The following C8orf34 variants were observed in gnomAD, a reference collection of about 807,000 sequenced individuals.
The protein encoded by C8orf34 is chromosome 8 open reading frame 34.
In C8orf34, 65 loss-of-function variants were observed where a neutral mutation model predicts 68.3. The ratio of observed to expected loss-of-function variants is 0.95; its 90% CI spans 0.78 to 1.17. The LOEUF is 1.17. Ranked by LOEUF, C8orf34 falls within the 50% of genes most tolerant of loss-of-function variation. The pLI is 0.00. For missense variants in C8orf34, 664 were observed against 655.4 expected, an observed-to-expected ratio of 1.01 and a Z score of -0.14; for synonymous variants, 244 against 241.2, an observed-to-expected ratio of 1.01 and a Z score of -0.11.
chr8:68,791,129 C>A, intron 12 of C8orf34: 1 of 448,536 alleles, frequency 2.2e-6, no homozygotes, highest in South Asian at 6.0e-5. Context: ...CTATAAAGAA[C>A]TGCCTGAGAC....
At chr8:68,438,776 T>A (rs1810772445) in intron 1 of C8orf34, 2 of 152,026 alleles carry the variant, frequency 1.3e-5, no homozygotes, top group Admixed American at 6.5e-5. Context: ...TGTTCCTGAC[T>A]GGAAAAAAAA....
chr8:68,354,808 G>A (rs1260922007), intron 1 of C8orf34, among the ~76,000 whole-genome samples: 1 of 152,070 alleles, frequency 6.6e-6, no homozygotes, highest in Non-Finnish European at 1.5e-5. Flanking sequence ...TCTTGAGGGT[G>A]GAAAACAGGT....
intron 8 of C8orf34, among the ~76,000 whole-genome samples, chr8:68,648,063 A>G (rs2164197): frequency 0.52 from 78,979 of 152,026 alleles, 21,265 homozygotes; most frequent in Non-Finnish European, 0.61. Context: ...ACTATGTAGG[A>G]TATAGTAGTG....
intron 8 of C8orf34, among the ~76,000 whole-genome samples, chr8:68,667,168 C>A (rs1232715231): frequency 6.6e-6 from 1 of 152,072 alleles, no homozygotes; most frequent in Non-Finnish European, 1.5e-5. Flanking sequence ...AGTTTTGAAA[C>A]AATGAAGTCA....
intron 8 of C8orf34, among the ~76,000 whole-genome samples, chr8:68,661,063 G>T (rs950651260): frequency 6.6e-6 from 1 of 152,206 alleles, no homozygotes; most frequent in African/African-American, 2.4e-5. Context: ...GGCATGTGGT[G>T]CGAGGAGACA....
intron 1 of C8orf34, among the ~76,000 whole-genome samples, chr8:68,354,984 A>G (rs924699093): frequency 6.9e-6 from 1 of 144,750 alleles, no homozygotes; most frequent in Non-Finnish European, 1.5e-5. Flanking sequence ...TCTTATTTGG[A>G]AAAAAAAAAC....
At chr8:68,570,987 G>A (rs1466868881) in intron 7 of C8orf34, among the ~76,000 whole-genome samples, 1 of 152,162 alleles carries the variant, frequency 6.6e-6, no homozygotes, top group East Asian at 1.9e-4. Flanking sequence ...AATGGAATAG[G>A]CACTTTTGTT....
intron 8 of C8orf34, among the ~76,000 whole-genome samples, chr8:68,683,647 A>T (rs1429960751): frequency 1.3e-5 from 2 of 152,154 alleles, no homozygotes; most frequent in Admixed American, 6.6e-5. Flanking sequence ...GAAAAAACGT[A>T]TCTCAACAAC....
intron 5 of C8orf34, among the ~76,000 whole-genome samples, chr8:68,520,402 T>G (rs764493107): frequency 1.7e-4 from 26 of 152,214 alleles, no homozygotes; most frequent in Admixed American, 1.2e-3. Flanking sequence ...GAATATGTTG[T>G]GAAGTCTGAA....
chr8:68,513,846 C>T (rs77929195), intron 5 of C8orf34, among the ~76,000 whole-genome samples: 3,170 of 151,812 alleles, frequency 0.021, 117 homozygotes, highest in African/African-American at 0.071. Flanking sequence ...TGCTGCTTGC[C>T]GGTCTGTCCC....
chr8:68,383,799 C>G (rs1808144101), intron 1 of C8orf34, among the ~76,000 whole-genome samples: 1 of 152,178 alleles, frequency 6.6e-6, no homozygotes, highest in African/African-American at 2.4e-5. Context: ...CTGTCTTGTG[C>G]CAATGTGTCC....
chr8:68,460,671 C>T (rs1811772827), intron 3 of C8orf34, among the ~76,000 whole-genome samples: 1 of 152,150 alleles, frequency 6.6e-6, no homozygotes, highest in Non-Finnish European at 1.5e-5. Flanking sequence ...CTGCTGATAC[C>T]CAGGCAAACA....
At chr8:68,556,205 A>C (rs1409117889) in intron 7 of C8orf34, among the ~76,000 whole-genome samples, 1 of 151,762 alleles carries the variant, frequency 6.6e-6, no homozygotes, top group Non-Finnish European at 1.5e-5. Context: ...TAGATATATA[A>C]ATATTTATAT....
At chr8:68,756,730 A>G (rs1037926841) in intron 10 of C8orf34, among the ~76,000 whole-genome samples, 4 of 152,178 alleles carry the variant, frequency 2.6e-5, no homozygotes, top group Non-Finnish European at 5.9e-5. Flanking sequence ...GAAGACTGGT[A>G]AGGGAGTAAA....
intron 7 of C8orf34, among the ~76,000 whole-genome samples, chr8:68,595,523 A>G (rs1393756344): frequency 6.6e-6 from 1 of 151,960 alleles, no homozygotes; most frequent in Non-Finnish European, 1.5e-5. Context: ...CAGGATTCTT[A>G]TATTTCCCTG....
chr8:68,756,508 G>A (rs544724347), intron 10 of C8orf34, among the ~76,000 whole-genome samples: 1 of 152,154 alleles, frequency 6.6e-6, no homozygotes, highest in East Asian at 1.9e-4. Context: ...GGTAGGGGGT[G>A]GGAGGACAAT....
At chr8:68,423,364 C>A (rs1810067713) in intron 1 of C8orf34, among the ~76,000 whole-genome samples, 1 of 152,134 alleles carries the variant, frequency 6.6e-6, no homozygotes, top group Admixed American at 6.6e-5. Flanking sequence ...AGCCTCTTTG[C>A]CAAAGCATAG....
In C8orf34 at chr8:68,736,790, G is replaced by A. The variant is rs959894625; in HGVS notation, c.1404+15353G>A. Among the ~76,000 whole-genome samples the A allele has an allele frequency of 2.0e-5, 3 of 152,012 alleles. 1 individual carries two copies. Among genetic ancestry groups the A allele is most frequent in the Non-Finnish European group, 4.4e-5 (3 of 67,956 alleles). ...TTTTTCCAAATGGTTAGTGTCATAA[G>A]TAGAATATAATGGTATACTTCAAAC... On this transcript the variant is annotated intron_variant, in intron 10 of 13. Coordinates refer to ENST00000518698, the MANE Select transcript of C8orf34 (RefSeq NM_052958.4).
At position 68,639,358 on chromosome 8, in the gene C8orf34, C is replaced by T. The variant is rs569765532; in HGVS notation, c.1106-1018C>T. Among the ~76,000 whole-genome samples the T allele has an allele frequency of 2.0e-5, 3 of 152,200 alleles. No individual in the cohort carries two copies. In the East Asian group the frequency reaches 5.8e-4, roughly 29 times the overall value. On this transcript the variant is annotated intron_variant, in intron 7 of 13. Coordinates refer to ENST00000518698, the MANE Select transcript of C8orf34 (RefSeq NM_052958.4). ...AAGAAGCCTGTTGACAAGGCTTCTT[C>T]AGATTCCAGAAGGCCGGTTCATGAT...
Sources: gnomAD v4.1 joint callset for allele counts (sites outside exome capture counted in the v4.1 genomes callset) on GRCh38, gnomAD v4.1.1 for gene constraint, MANE v1.5 for transcripts, NCBI Gene and HGNC (gene_info 2026-07-23, HGNC 2026-07-21) for gene names.